The following TMEM181 variants were observed in gnomAD, a reference collection of about 807,000 sequenced individuals.
TMEM181 encodes G protein-coupled receptor 178.
A neutral mutation model predicts 71.9 loss-of-function variants in TMEM181; 39 were observed. The ratio of observed to expected loss-of-function variants is 0.54; its 90% confidence interval spans 0.42 to 0.71. TMEM181 has a LOEUF of 0.71. Among genes scored for constraint, TMEM181 ranks in the 30% least tolerant of loss-of-function variants. TMEM181 has a pLI of 0.00. For missense variants in TMEM181, 595 were observed against 583.0 expected (o/e 1.02, Z -0.21); for synonymous variants, 245 against 228.8 (o/e 1.07, Z -0.64).
chr6:158,568,078 T>C (rs1408035844), intron 1 of TMEM181, among the ~76,000 whole-genome samples: 1 of 151,860 alleles, frequency 6.6e-6, no homozygotes, highest in Non-Finnish European at 1.5e-5. Context: ...ACTGGCGTGC[T>C]GGGGATGAAG....
chr6:158,625,807 T>A, intron 13 of TMEM181, 53 bp downstream of exon 13: 1 of 1,496,712 alleles, frequency 6.7e-7, no homozygotes, highest in Non-Finnish European at 9.2e-7. Context: ...TCTTTTACTG[T>A]CAGGAATATC....
chr6:158,589,141 C>T (rs903854314), intron 5 of TMEM181, among the ~76,000 whole-genome samples: 1 of 152,242 alleles, frequency 6.6e-6, no homozygotes, highest in Non-Finnish European at 1.5e-5. Flanking sequence ...GCTGTGCACA[C>T]AGCCTTTGCT....
intron 8 of TMEM181, 122 bp from the exon 9 acceptor site, chr6:158,608,210 GC>G: frequency 1.4e-6 from 1 of 690,246 alleles, no homozygotes; most frequent in South Asian, 2.4e-5. Context: ...TCTGCCAGGT[GC>G]TGACCCCGCA....
At chr6:158,552,250 A>AACCTCCTGCAGTGTGATTGC (rs1422800213) in intron 1 of TMEM181, among the ~76,000 whole-genome samples, 1 of 152,200 alleles carries the variant, frequency 6.6e-6, no homozygotes, top group Non-Finnish European at 1.5e-5. Flanking sequence ...GGTGAAGAAA[A>AACCTCCTGCAGTGTGATTGC]ACCTCCTGCA....
At chr6:158,558,800 A>G (rs555660609), upstream of TMEM181, among the ~76,000 whole-genome samples, 57 of 152,276 alleles carry the variant, frequency 3.7e-4, 1 homozygote, top group South Asian at 4.8e-3. Flanking sequence ...GCGGTGGCTC[A>G]CGTCTGTAAT....
chr6:158,607,440 G>A, intron 8 of TMEM181, 97 bp downstream of exon 8: 2 of 1,125,622 alleles, frequency 1.8e-6, no homozygotes, highest in South Asian at 1.3e-5. Context: ...CACTTTGAGA[G>A]GCTGGGGCAG....
chr6:158,541,998 C>T (rs753248405), intron 1 of TMEM181, among the ~76,000 whole-genome samples: 9 of 150,620 alleles, frequency 6.0e-5, no homozygotes, highest in Non-Finnish European at 1.0e-4. Flanking sequence ...CTCCACCTCC[C>T]GGGTTCAAGC....
intron 1 of TMEM181, among the ~76,000 whole-genome samples, chr6:158,544,755 G>A (rs968562834): frequency 6.6e-5 from 10 of 152,008 alleles, no homozygotes; most frequent in African/African-American, 2.2e-4. Context: ...GCCTGCCCAC[G>A]CCTCAGGGCT....
intron 6 of TMEM181, among the ~76,000 whole-genome samples, chr6:158,600,760 C>T (rs561687890): frequency 2.0e-4 from 31 of 152,206 alleles, no homozygotes; most frequent in African/African-American, 3.9e-4. Context: ...TGTGAGCCAC[C>T]GCACCCGGCC....
At chr6:158,591,423 GC>G (rs1318518626) in intron 6 of TMEM181, among the ~76,000 whole-genome samples, 1 of 152,092 alleles carries the variant, frequency 6.6e-6, no homozygotes, top group Admixed American at 6.6e-5. Flanking sequence ...CTTCCTTTCA[GC>G]CCTTTGCCTC....
At chr6:158,543,610 G>T (rs1376083134) in intron 1 of TMEM181, among the ~76,000 whole-genome samples, 1 of 152,228 alleles carries the variant, frequency 6.6e-6, no homozygotes, top group Non-Finnish European at 1.5e-5. Flanking sequence ...GGCTTGGCTT[G>T]TAGATGTCTA....
In TMEM181 at chr6:158,585,384, A is replaced by G; in HGVS notation, c.340A>G (p.Asn114Asp). Reference sequence around the variant, plus strand: ...AGATGGAACCACGATGTACATTCATAACAAAGTTCACAACCGGACAAGGAC... The same window carrying G: ...AGATGGAACCACGATGTACATTCATGACAAAGTTCACAACCGGACAAGGAC... ...AQDGTTMYIHNKVHNRTRTLT... is the reference protein window; with the variant it reads ...AQDGTTMYIHDKVHNRTRTLT... The change falls in exon 5 of 17, where the codon AAC becomes GAC. Residue 114 changes from asparagine to aspartate, a missense_variant. Physicochemically the swap from Asn to Asp is conservative, Grantham distance 23. Transcript: ENST00000684151. The G allele has an allele frequency of 1.9e-6, 3 of 1,612,312 alleles. No homozygotes were observed. Among genetic ancestry groups the G allele is most frequent in the Non-Finnish European group, 2.5e-6 (3 of 1,179,662 alleles).
intron 2 of TMEM181, among the ~76,000 whole-genome samples, chr6:158,579,633 C>T (rs561498686): frequency 4.8e-4 from 73 of 151,970 alleles, no homozygotes; most frequent in African/African-American, 1.5e-3. Context: ...GCAGGAGAAT[C>T]GCTTGAACCT....
chr6:158,555,547 A>G (rs868545344), upstream of TMEM181, among the ~76,000 whole-genome samples: 12 of 152,260 alleles, frequency 7.9e-5, no homozygotes, highest in Admixed American at 3.3e-4. Flanking sequence ...AGAAGACTCT[A>G]CATGCTAACT....
intron 1 of TMEM181, among the ~76,000 whole-genome samples, chr6:158,570,115 G>A (rs1042391926): frequency 4.6e-5 from 7 of 151,646 alleles, no homozygotes; most frequent in Non-Finnish European, 8.8e-5. Flanking sequence ...TGGCTGCCCC[G>A]GGGGACGGGA....
At chr6:158,563,964 G>A (rs1027732914) in intron 1 of TMEM181, among the ~76,000 whole-genome samples, 1 of 152,136 alleles carries the variant, frequency 6.6e-6, no homozygotes, top group Non-Finnish European at 1.5e-5. Flanking sequence ...TTTTAGTAGG[G>A]ACACGGTTTT....
At chr6:158,594,474 C>T (rs778683556) in intron 6 of TMEM181, among the ~76,000 whole-genome samples, 1 of 152,116 alleles carries the variant, frequency 6.6e-6, no homozygotes, top group South Asian at 2.1e-4. Flanking sequence ...ACTTATTTCA[C>T]TAAGTTATAT....
chr6:158,574,450 C>T (rs1009493923), intron 2 of TMEM181, among the ~76,000 whole-genome samples: 11 of 152,142 alleles, frequency 7.2e-5, no homozygotes, highest in Admixed American at 2.0e-4. Context: ...ACTTGATTTT[C>T]ACTGCTATCC....
chr6:158,630,701 GTGT>G (rs1786610023), intron 15 of TMEM181, among the ~76,000 whole-genome samples: 1 of 143,730 alleles, frequency 7.0e-6, no homozygotes, highest in African/African-American at 2.7e-5. Flanking sequence ...ATCTGTAGTA[GTGT>G]TGTTACCATT....
Sources: allele counts gnomAD v4.1 joint callset (sites outside exome capture counted in the v4.1 genomes callset), GRCh38; gene constraint gnomAD v4.1.1; transcripts MANE v1.5; gene names NCBI Gene and HGNC (gene_info 2026-07-23, HGNC 2026-07-21).